The following ELMO1 variants were observed in gnomAD, a reference collection of about 807,000 sequenced individuals.
The protein encoded by ELMO1 is engulfment and cell motility protein 1.
A neutral mutation model predicts 98.9 loss-of-function variants in ELMO1; 26 were observed. The ratio of observed to expected loss-of-function variants is 0.26; its 90% CI spans 0.19 to 0.36. ELMO1 has a LOEUF of 0.36. Ranked by LOEUF, ELMO1 falls within the 10% of genes least tolerant of loss-of-function variation. The pLI, the probability that ELMO1 is intolerant of heterozygous loss-of-function variation, is 1.00. For synonymous variants in ELMO1, 346 were observed against 346.0 expected (o/e 1.00, Z 0.00); for missense variants, 627 against 935.2 (o/e 0.67, Z 4.30).
intron 13 of ELMO1, among the ~76,000 whole-genome samples, chr7:37,196,646 A>C (rs1157317559): frequency 6.6e-6 from 1 of 152,164 alleles, no homozygotes; most frequent in Non-Finnish European, 1.5e-5. Flanking sequence ...TGCTACTTTC[A>C]TCTATTTCAC....
chr7:37,127,002 G>A (rs1020157615), intron 14 of ELMO1, among the ~76,000 whole-genome samples: 5 of 152,270 alleles, frequency 3.3e-5, no homozygotes, highest in Non-Finnish European at 7.4e-5. Context: ...GGCGTTAAAT[G>A]TTTATCTAAC....
At chr7:37,260,652 A>G (rs931228929) in intron 5 of ELMO1, among the ~76,000 whole-genome samples, 1 of 152,144 alleles carries the variant, frequency 6.6e-6, no homozygotes, top group African/African-American at 2.4e-5. Context: ...ATTCTTTAGG[A>G]CCCGAGACAG....
At chr7:37,130,927 A>G (rs1786879166) in intron 14 of ELMO1, among the ~76,000 whole-genome samples, 1 of 152,218 alleles carries the variant, frequency 6.6e-6, no homozygotes, top group Admixed American at 6.5e-5. Context: ...ACATCCTCAA[A>G]AAGGCGGATT....
intron 16 of ELMO1, among the ~76,000 whole-genome samples, chr7:36,937,523 G>A (rs1425182651): frequency 6.6e-6 from 1 of 152,182 alleles, no homozygotes; most frequent in African/African-American, 2.4e-5. Context: ...ATAATTTCCT[G>A]TTGTCTGAAG....
chr7:36,996,529 C>T (rs1174504712), intron 16 of ELMO1, among the ~76,000 whole-genome samples: 2 of 152,108 alleles, frequency 1.3e-5, no homozygotes, highest in African/African-American at 2.4e-5. Context: ...GATTTTCAAG[C>T]CTTTGGAATT....
chr7:37,209,082 T>C (rs904962289), intron 13 of ELMO1, among the ~76,000 whole-genome samples: 1 of 151,618 alleles, frequency 6.6e-6, no homozygotes, highest in African/African-American at 2.4e-5. Flanking sequence ...AAGACAGAGA[T>C]ACACCAAGAC....
intron 13 of ELMO1, among the ~76,000 whole-genome samples, chr7:37,200,625 T>C (rs916892120): frequency 2.0e-5 from 3 of 152,140 alleles, no homozygotes; most frequent in Non-Finnish European, 2.9e-5. Flanking sequence ...GCTTGACCCA[T>C]CAGCAGCTTC....
At chr7:37,445,154 T>G (rs1470317261) in intron 1 of ELMO1, among the ~76,000 whole-genome samples, 1 of 152,176 alleles carries the variant, frequency 6.6e-6, no homozygotes, top group African/African-American at 2.4e-5. Context: ...CCTACTAAAG[T>G]GATATCATGA....
chr7:37,028,978 C>T, intron 15 of ELMO1, among the ~76,000 whole-genome samples: 1 of 152,170 alleles, frequency 6.6e-6, no homozygotes, highest in South Asian at 2.1e-4. Context: ...TTATGTAGTT[C>T]TCCTATGAAC....
intron 16 of ELMO1, among the ~76,000 whole-genome samples, chr7:36,943,469 G>A (rs758876357): frequency 2.6e-5 from 4 of 152,112 alleles, no homozygotes; most frequent in Non-Finnish European, 1.5e-5. Context: ...GTCATGAGAG[G>A]CTCTTTGTTC....
At chr7:37,319,053 A>G (rs1233309709) in intron 2 of ELMO1, among the ~76,000 whole-genome samples, 2 of 152,024 alleles carry the variant, frequency 1.3e-5, no homozygotes, top group African/African-American at 4.8e-5. Context: ...CTTTTATTTA[A>G]TCAGTCAGTT....
chr7:37,068,273 T>C (rs975493904), intron 15 of ELMO1, among the ~76,000 whole-genome samples: 1 of 152,196 alleles, frequency 6.6e-6, no homozygotes, highest in Non-Finnish European at 1.5e-5. Context: ...CTCAGGAAAG[T>C]ACAGTAAGTT....
At chr7:37,103,414 C>A (rs1236940331) in intron 14 of ELMO1, among the ~76,000 whole-genome samples, 2 of 150,234 alleles carry the variant, frequency 1.3e-5, no homozygotes, top group African/African-American at 4.9e-5. Flanking sequence ...CAAACTATCG[C>A]AAGGACAAAA....
chr7:37,252,330 T>C (rs536694385), intron 6 of ELMO1, among the ~76,000 whole-genome samples: 12 of 152,176 alleles, frequency 7.9e-5, no homozygotes, highest in Non-Finnish European at 1.8e-4. Flanking sequence ...GACTTCAAAC[T>C]ATACTACAAG....
chr7:37,324,448 T>C (rs1799689045), intron 2 of ELMO1, among the ~76,000 whole-genome samples: 1 of 152,208 alleles, frequency 6.6e-6, no homozygotes, highest in Non-Finnish European at 1.5e-5. Flanking sequence ...TTTCAAATGT[T>C]TCTAATGACA....
intron 2 of ELMO1, among the ~76,000 whole-genome samples, chr7:37,324,607 G>C (rs1430944388): frequency 2.6e-5 from 4 of 152,004 alleles, no homozygotes; most frequent in Non-Finnish European, 2.9e-5. Flanking sequence ...TTTGAGACAG[G>C]GTCTCACTCC....
chr7:37,447,645 CCACACACACACACT>C (rs1805682133), intron 1 of ELMO1, among the ~76,000 whole-genome samples: 1 of 149,388 alleles, frequency 6.7e-6, no homozygotes, highest in Non-Finnish European at 1.5e-5. Flanking sequence ...AACACCCCCC[CCACACACACACACT>C]CACACACACA....
chr7:37,103,979 C>G (rs1296788672), intron 14 of ELMO1, among the ~76,000 whole-genome samples: 1 of 126,958 alleles, frequency 7.9e-6, no homozygotes, highest in Middle Eastern at 6.6e-3. Context: ...CCACTGCACT[C>G]CAGCCTGGGT....
At chr7:37,107,155 T>C (rs1051215170) in intron 14 of ELMO1, among the ~76,000 whole-genome samples, 11 of 152,342 alleles carry the variant, frequency 7.2e-5, no homozygotes, top group Admixed American at 5.9e-4. Context: ...AATACATGTA[T>C]GAACAAAAGT....
Sources: gnomAD v4.1 joint callset for allele counts (sites outside exome capture counted in the v4.1 genomes callset) on GRCh38, gnomAD v4.1.1 for gene constraint, MANE v1.5 for transcripts, NCBI Gene and HGNC (gene_info 2026-07-23, HGNC 2026-07-21) for gene names.